PRDM5: variants seen among roughly 807,000 people sequenced by gnomAD.
The protein encoded by PRDM5 is PR/SET domain 5, also known as PR domain zinc finger protein 5.
PRDM5 carries 56 observed loss-of-function variants against 81.2 expected under a neutral mutation model. That is an observed-to-expected ratio of 0.69 (90% CI 0.56 to 0.86). The LOEUF (loss-of-function observed/expected upper bound fraction) is 0.86. Among genes scored for constraint, PRDM5 ranks in the 40% least tolerant of loss-of-function variants. The pLI is 0.00. For missense variants in PRDM5, 697 were observed against 770.1 expected (o/e 0.91, Z 1.12); for synonymous variants, 267 against 256.4 (o/e 1.04, Z -0.39).
At chr4:120,696,146 C>G (rs1734493606) in intron 15 of PRDM5, among the ~76,000 whole-genome samples, 2 of 152,008 alleles carry the variant, frequency 1.3e-5, no homozygotes, top group South Asian at 4.2e-4. Flanking sequence ...GCTCAGGGCC[C>G]TAATTGGGTA....
At position 120,785,407 on chromosome 4, in the gene PRDM5, G is replaced by A. The variant is rs547023213; in HGVS notation, c.1189-316C>T. On this transcript the variant is annotated intron_variant, in intron 10 of 15. Coordinates refer to ENST00000264808, the MANE Select transcript of PRDM5 (RefSeq NM_018699.4). ...GGCCTACTTTGTAGTGAAACTGTGCGTACTTTCTCTGAAAACTAAGCCTCC... is the reference window on the plus strand; with the variant it reads ...GGCCTACTTTGTAGTGAAACTGTGCATACTTTCTCTGAAAACTAAGCCTCC... 5.3e-5 allele frequency among the ~76,000 whole-genome samples: 8 copies of A among 152,182 alleles called. No homozygotes were observed. The South Asian group carries it at 6.2e-4, about 12-fold the overall frequency.
At chr4:120,846,664 C>A (rs1442042191) in intron 3 of PRDM5, among the ~76,000 whole-genome samples, 1 of 152,112 alleles carries the variant, frequency 6.6e-6, no homozygotes, top group East Asian at 1.9e-4. Context: ...CCCAGAGCAT[C>A]CCCAGGTGTG....
chr4:120,847,212 T>C (rs1758753723), intron 3 of PRDM5, among the ~76,000 whole-genome samples: 2 of 152,186 alleles, frequency 1.3e-5, no homozygotes, highest in African/African-American at 2.4e-5. Flanking sequence ...CTTCCTACAC[T>C]GTGCCAAGGT....
chr4:120,792,709 T>A (rs1417338850), intron 10 of PRDM5, among the ~76,000 whole-genome samples: 4 of 152,150 alleles, frequency 2.6e-5, no homozygotes, highest in Non-Finnish European at 4.4e-5. Context: ...ATAGACACAA[T>A]GTAATACTAT....
Position 120,694,038 on chromosome 4 carries a change from T to A in PRDM5, c.*1073A>T, listed in dbSNP as rs1486216534. 1 of 152,130 alleles carries A rather than the reference T, an allele frequency of 6.6e-6. No homozygotes were observed. The highest frequency in any genetic ancestry group is 2.4e-5 in the African/African-American group (1 of 41,450). 9.4% of individuals were successfully genotyped at this position (152,130 alleles called of 1,614,324 possible). On this transcript the variant is annotated 3_prime_UTR_variant, in exon 16 of 16. Coordinates refer to ENST00000264808, the MANE Select transcript of PRDM5 (RefSeq NM_018699.4). ...TGTACTTTGTATTCTGGATTCCTAATTATATGGGATGATTGAAGGTAATTC... is the reference window on the plus strand; with the variant it reads ...TGTACTTTGTATTCTGGATTCCTAAATATATGGGATGATTGAAGGTAATTC...
intron 15 of PRDM5, among the ~76,000 whole-genome samples, chr4:120,698,932 C>T (rs1734903866): frequency 6.6e-6 from 1 of 151,936 alleles, no homozygotes. Context: ...AATGTTTCAG[C>T]ATGCAACTGT....
chr4:120,740,917 T>C (rs750575725), intron 14 of PRDM5, among the ~76,000 whole-genome samples: 2 of 152,218 alleles, frequency 1.3e-5, no homozygotes. Context: ...TCAACATGTA[T>C]CCTCAAACTC....
chr4:120,907,639 G>C, intron 1 of PRDM5, 82 bp from the exon 2 acceptor site: 1 of 1,088,884 alleles, frequency 9.2e-7, no homozygotes, highest in Non-Finnish European at 1.4e-6. Flanking sequence ...CTTCTGGAAT[G>C]TTTTTCTGCA....
chr4:120,689,638 G>A (rs1044362080), downstream of PRDM5, among the ~76,000 whole-genome samples: 1 of 147,400 alleles, frequency 6.8e-6, no homozygotes, highest in African/African-American at 2.5e-5. Flanking sequence ...ACAGGGTTTC[G>A]CTCTGTTGCC....
chr4:120,855,814 A>G (rs905701619), intron 2 of PRDM5, among the ~76,000 whole-genome samples: 7 of 152,242 alleles, frequency 4.6e-5, no homozygotes, highest in African/African-American at 1.7e-4. Context: ...CAAGCTAACT[A>G]ACTTTGTGTA....
chr4:120,692,331 A>G lies in PRDM5; in HGVS notation c.*2780T>C, dbSNP rs1560864347. 6.6e-6 allele frequency: 1 copy of G among 152,046 alleles called. No individual in the cohort carries two copies. Among genetic ancestry groups the G allele is most frequent in the Non-Finnish European group, 1.5e-5 (1 of 67,972 alleles). The allele number at this position is 152,046 out of a possible 1,614,324, so 9.4% of individuals were successfully genotyped here. ...AAGTAATGCACTTACATGTATATGC[A>G]CTGCATATAAGTGATACTCTTCAGA... is the stretch of plus-strand genomic sequence containing the variant. On this transcript the variant is annotated 3_prime_UTR_variant, in exon 16 of 16. Transcript: ENST00000264808.
chr4:120,837,842 CAT>C (rs1403557564), intron 3 of PRDM5: 29 of 152,096 alleles, frequency 1.9e-4, no homozygotes, highest in Non-Finnish European at 4.0e-4. Flanking sequence ...ATAAAACAGA[CAT>C]GTGTAAACCA....
At chr4:120,762,397 G>A (rs1745754562) in intron 13 of PRDM5, 1 of 152,114 alleles carries the variant, frequency 6.6e-6, no homozygotes, top group Non-Finnish European at 1.5e-5. Context: ...CGTTCCACAT[G>A]GTTGAACTTT....
intron 8 of PRDM5, among the ~76,000 whole-genome samples, chr4:120,808,505 G>T (rs1408413463): frequency 6.6e-6 from 1 of 152,092 alleles, no homozygotes; most frequent in Non-Finnish European, 1.5e-5. Context: ...AGACATAAAG[G>T]TTCTCCAAGT....
intron 2 of PRDM5, among the ~76,000 whole-genome samples, chr4:120,864,806 C>T (rs563701814): frequency 6.6e-6 from 1 of 152,160 alleles, no homozygotes; most frequent in Non-Finnish European, 1.5e-5. Flanking sequence ...GCTCTTATGT[C>T]CTAACAATTA....
chr4:120,727,276 C>T (rs1282518837), intron 14 of PRDM5, among the ~76,000 whole-genome samples: 1 of 150,618 alleles, frequency 6.6e-6, no homozygotes, highest in Non-Finnish European at 1.5e-5. Flanking sequence ...CAACCTACAG[C>T]AGCATCCAAG....
intron 10 of PRDM5, among the ~76,000 whole-genome samples, chr4:120,789,469 G>T (rs558714081): frequency 3.3e-5 from 5 of 151,940 alleles, no homozygotes; most frequent in African/African-American, 1.2e-4. Context: ...TTCTTCTTTG[G>T]GGTATGTGCA....
chr4:120,764,021 G>A (rs1746016893), intron 13 of PRDM5, among the ~76,000 whole-genome samples: 2 of 151,542 alleles, frequency 1.3e-5, no homozygotes. Context: ...AGTTATTCTT[G>A]GTGGAAAAAT....
chr4:120,875,169 C>T (rs572120321), intron 2 of PRDM5, among the ~76,000 whole-genome samples: 4 of 152,334 alleles, frequency 2.6e-5, no homozygotes, highest in African/African-American at 4.8e-5. Flanking sequence ...CTAAAGCATG[C>T]GGCCAATCTT....
Sources: allele counts gnomAD v4.1 joint callset (sites outside exome capture counted in the v4.1 genomes callset), GRCh38; gene constraint gnomAD v4.1.1; transcripts MANE v1.5; gene names NCBI Gene and HGNC (gene_info 2026-07-23, HGNC 2026-07-21).